The following XIAP variants were observed in gnomAD, a reference collection of about 807,000 sequenced individuals.
XIAP encodes the protein E3 ubiquitin-protein ligase XIAP.
In XIAP, 3 loss-of-function variants were observed where a neutral mutation model predicts 33.1. The ratio of observed to expected loss-of-function variants is 0.09; its 90% CI spans 0.04 to 0.23. The LOEUF is 0.23. XIAP is among the 10% of genes least tolerant of loss of function. The pLI, the probability that XIAP is intolerant of heterozygous loss-of-function variation, is 1.00. For missense variants in XIAP, 264 were observed against 363.0 expected, an observed-to-expected ratio of 0.73 and a Z score of 2.22; for synonymous variants, 98 against 121.3, an observed-to-expected ratio of 0.81 and a Z score of 1.26.
At chrX:123,879,684 CA>C (rs1457032814) in intron 1 of XIAP, among the ~76,000 whole-genome samples, 2 of 111,483 alleles carry the variant, frequency 1.8e-5, no homozygotes, top group African/African-American at 6.5e-5. Context: ...ATAATCCCGT[CA>C]CCTTAACATT....
intron 6 of XIAP, among the ~76,000 whole-genome samples, chrX:123,901,282 G>C (rs1401208566): frequency 8.9e-6 from 1 of 111,761 alleles, no homozygotes; most frequent in Non-Finnish European, 1.9e-5. Context: ...CTCCTTGGGA[G>C]GCTGAGCGGG....
intron 1 of XIAP, among the ~76,000 whole-genome samples, chrX:123,877,971 G>GA (rs76126679): frequency 2.9e-3 from 227 of 77,902 alleles, no homozygotes; most frequent in East Asian, 5.2e-3. Context: ...CCGTCTCAAA[G>GA]AAAAAAAAAA....
rs184894511 is a variant in XIAP at position 123,863,657 on chromosome X, C to T, written c.-33+3364C>T. Reference sequence around the variant, plus strand: ...CCGAGTAGCTGGGATTACAGGCATGCGCCACCACGCCCGGCTAATTTTGTA... The same window carrying T: ...CCGAGTAGCTGGGATTACAGGCATGTGCCACCACGCCCGGCTAATTTTGTA... On this transcript the variant is annotated intron_variant, in intron 1 of 6. Coordinates refer to ENST00000371199, the MANE Select transcript of XIAP (RefSeq NM_001167.4). Among the ~76,000 whole-genome samples, 1,013 of 110,206 alleles carry T rather than the reference C, an allele frequency of 9.2e-3. 10 individuals carry two copies. The highest frequency in any genetic ancestry group is 0.031 in the African/African-American group (937 of 30,400).
chrX:123,906,827 C>A (rs1323986473), intron 6 of XIAP, among the ~76,000 whole-genome samples, 161 bp from the exon 7 acceptor site: 1 of 112,329 alleles, frequency 8.9e-6, no homozygotes, highest in Non-Finnish European at 1.9e-5. Flanking sequence ...CTCCCACTAG[C>A]GTGTGAGCTA....
intron 2 of XIAP, among the ~76,000 whole-genome samples, chrX:123,887,406 G>C (rs1022891855): frequency 8.0e-5 from 9 of 112,348 alleles, no homozygotes; most frequent in African/African-American, 2.9e-4. Context: ...TGGAGTGATT[G>C]CTTCTAAAGA....
At position 123,910,548 on chromosome X, in the gene XIAP, GTA is replaced by G. The variant is rs1448151079; in HGVS notation, c.*3375_*3376del. ...ATATCAGTAGGATATACTATGGGAT[GTA>G]TATATATCATTGCTGTTAGAGAAAT... On this transcript the variant is annotated 3_prime_UTR_variant, in exon 7 of 7. Coordinates refer to ENST00000371199, the MANE Select transcript of XIAP (RefSeq NM_001167.4). 3.1e-6 allele frequency: 1 copy of G among 327,236 alleles called. No homozygotes were observed. Among genetic ancestry groups the G allele is most frequent in the African/African-American group, 2.7e-5 (1 of 37,516 alleles). 27.0% of individuals were successfully genotyped at this position (327,236 alleles called of 1,213,427 possible).
intron 1 of XIAP, among the ~76,000 whole-genome samples, chrX:123,883,394 A>T (rs2053321973): frequency 9.1e-6 from 1 of 109,763 alleles, no homozygotes; most frequent in African/African-American, 3.3e-5. Flanking sequence ...TATGCACCAG[A>T]TATTTTTTAA....
intron 6 of XIAP, among the ~76,000 whole-genome samples, chrX:123,904,258 T>A (rs1475726221): frequency 8.9e-6 from 1 of 111,941 alleles, no homozygotes; most frequent in African/African-American, 3.2e-5. Flanking sequence ...TTTTAACTCG[T>A]TGTAGCATTA....
intron 1 of XIAP, among the ~76,000 whole-genome samples, chrX:123,870,909 A>G (rs901787240): frequency 2.5e-4 from 28 of 111,941 alleles, no homozygotes; most frequent in African/African-American, 8.4e-4. Context: ...AGCTTGAGCA[A>G]CATAGTAAGA....
At chrX:123,891,175 T>G in intron 3 of XIAP, 63 bp from the exon 4 acceptor site, 1 of 564,922 alleles carries the variant, frequency 1.8e-6, no homozygotes, top group Non-Finnish European at 3.0e-6. Context: ...TGATGGAGAT[T>G]ATATCTTTGC....
Position 123,913,337 on chromosome X carries a change from G to A in XIAP, c.*6156G>A. 3.0e-6 allele frequency: 1 copy of A among 328,603 alleles called. No homozygotes were observed. Among genetic ancestry groups the A allele is most frequent in the Admixed American group, 3.1e-5 (1 of 32,190 alleles). The allele number at this position is 328,603 out of a possible 1,213,427, so 27.1% of individuals were successfully genotyped here. A position where few individuals can be genotyped will look rare whatever the true frequency, so the allele number is the denominator to read the frequency against. On this transcript the variant is annotated 3_prime_UTR_variant, in exon 7 of 7. Coordinates refer to ENST00000371199, the MANE Select transcript of XIAP (RefSeq NM_001167.4). ...AATACAAAAATAGCTGGGCATGGTG[G>A]CGCATGCCTGTAGTCCCAGCTACTA...
At chrX:123,868,727 A>G (rs2053166362) in intron 1 of XIAP, among the ~76,000 whole-genome samples, 1 of 111,534 alleles carries the variant, frequency 9.0e-6, no homozygotes, top group Non-Finnish European at 1.9e-5. Flanking sequence ...GCAAGACCCT[A>G]TCTCAAAAAA....
chrX:123,892,813 A>G (rs1438733194), intron 5 of XIAP, 40 bp downstream of exon 5: 1 of 1,087,626 alleles, frequency 9.2e-7, no homozygotes, highest in African/African-American at 1.8e-5. Flanking sequence ...TTTAACTGCC[A>G]ATTTATTTAT....
At position 123,908,603 on chromosome X, in the gene XIAP, A is replaced by G; in HGVS notation, c.*1422A>G. ...GGATGATTAAGATGTATATAGGACA[A>G]AATGTTAAGTCTTTCCTCTACCTAC... On this transcript the variant is annotated 3_prime_UTR_variant, in exon 7 of 7. Coordinates refer to ENST00000371199, the MANE Select transcript of XIAP (RefSeq NM_001167.4). 2.8e-6 allele frequency: 1 copy of G among 361,744 alleles called. No homozygotes were observed. The highest frequency in any genetic ancestry group is 5.3e-6 in the Non-Finnish European group (1 of 189,786). The allele number at this position is 361,744 out of a possible 1,213,427, so 29.8% of individuals were successfully genotyped here.
chrX:123,860,368 C>T, intron 1 of XIAP, 75 bp downstream of exon 1: 1 of 318,669 alleles, frequency 3.1e-6, no homozygotes, highest in Non-Finnish European at 6.1e-6. Context: ...CTCTTCTTTT[C>T]CCCTCCACTT....
chrX:123,907,191 A>G lies in XIAP; in HGVS notation c.*10A>G, dbSNP rs536914095. On this transcript the variant is annotated 3_prime_UTR_variant, in exon 7 of 7. Coordinates refer to ENST00000371199, the MANE Select transcript of XIAP (RefSeq NM_001167.4). ...AATTTTTATGTCTTAATCTAACTCTATAGTAGGCATGTTATGTTGTTCTTA... is the reference window on the plus strand; with the variant it reads ...AATTTTTATGTCTTAATCTAACTCTGTAGTAGGCATGTTATGTTGTTCTTA... 9 of 1,174,478 alleles carry G rather than the reference A, an allele frequency of 7.7e-6. No individual in the cohort carries two copies. Among genetic ancestry groups the G allele is most frequent in the African/African-American group, 3.5e-5 (2 of 56,604 alleles).
At chrX:123,867,444 AGC>A (rs1228951734) in intron 1 of XIAP, among the ~76,000 whole-genome samples, 1 of 105,473 alleles carries the variant, frequency 9.5e-6, no homozygotes, top group African/African-American at 3.5e-5. Context: ...GCACAATCTC[AGC>A]TCACTGCATC....
intron 1 of XIAP, among the ~76,000 whole-genome samples, chrX:123,884,577 C>G (rs1180583676): frequency 4.5e-5 from 5 of 111,046 alleles, no homozygotes; most frequent in Non-Finnish European, 9.4e-5. Context: ...TTATATTGAG[C>G]ATGTTATCAG....
intron 1 of XIAP, among the ~76,000 whole-genome samples, chrX:123,862,635 C>T (rs2053091720): frequency 9.1e-6 from 1 of 109,339 alleles, no homozygotes; most frequent in South Asian, 3.9e-4. Flanking sequence ...CCAAGGCGGG[C>T]AGATCACCTG....
Sources: allele counts gnomAD v4.1 joint callset (sites outside exome capture counted in the v4.1 genomes callset), GRCh38; gene constraint gnomAD v4.1.1; transcripts MANE v1.5; gene names NCBI Gene and HGNC (gene_info 2026-07-23, HGNC 2026-07-21).